ALS2CL: variants seen among roughly 807,000 people sequenced by gnomAD.
ALS2CL encodes the protein ALS2 C-terminal-like protein.
ALS2CL carries 112 observed loss-of-function variants against 127.9 expected under a neutral mutation model. The ratio of observed to expected loss-of-function variants is 0.88; its 90% CI spans 0.75 to 1.02. ALS2CL has a LOEUF of 1.02. ALS2CL is among the 50% of genes least tolerant of loss of function. The probability of loss-of-function intolerance (pLI) is 0.00; values close to 1 mark genes in which losing one functional copy is unlikely to be tolerated. For synonymous variants in ALS2CL, 519 were observed against 527.6 expected, an observed-to-expected ratio of 0.98 and a Z score of 0.22; for missense variants, 1,174 against 1,236.7, an observed-to-expected ratio of 0.95 and a Z score of 0.76.
Position 46,681,978 on chromosome 3 carries a change from C to T in ALS2CL, c.1175+51G>A. On this transcript the variant is annotated intron_variant, in intron 11 of 25. Transcript: ENST00000318962. The surrounding 1 kb of genome is among the most constrained non-coding windows in gnomAD (Gnocchi z 4.9). ...TGGTGACCACAGCAGGGGAGGAAAG[C>T]ACCCTTCAGCCCACTGCACGCCTCC... The T allele has an allele frequency of 1.9e-6, 3 of 1,594,196 alleles. No individual in the cohort carries two copies. Among genetic ancestry groups the T allele is most frequent in the Non-Finnish European group, 2.6e-6 (3 of 1,166,298 alleles).
In ALS2CL at chr3:46,671,516, A is replaced by T. The variant is rs1430696619; in HGVS notation, c.2753T>A (p.Leu918Gln). 32 of 1,613,958 alleles carry T rather than the reference A, an allele frequency of 2.0e-5. No individual in the cohort carries two copies. The highest frequency in any genetic ancestry group is 2.6e-5 in the Non-Finnish European group (31 of 1,179,954). ...CAGGGCTGTGAGCAGGAAGTCATAC[A>T]GGCCTCCTGTGTGGTTGGGGTCCAT... is the stretch of plus-strand genomic sequence containing the variant. ...DMMDPNHTGGLYDFLLTALES... is the reference protein window; with the variant it reads ...DMMDPNHTGGQYDFLLTALES... Residue 918 changes from leucine to glutamine, a missense_variant, in exon 25 of 26, where the codon CTG (leucine) becomes CAG (glutamine). Transcript: ENST00000318962.
In ALS2CL at chr3:46,678,284, G is replaced by A. The variant is rs761035063; in HGVS notation, c.1732C>T (p.Pro578Ser). 1.9e-6 allele frequency: 3 copies of A among 1,604,814 alleles called. No homozygotes were observed. The highest frequency in any genetic ancestry group is 1.3e-5 in the African/African-American group (1 of 74,928). Reference sequence around the variant, plus strand: ...CTCTTGCAGGTACTGCTCGGGTCTGGTGGGAGGGCAGCCGTGTCCAGCACA... The same window carrying A: ...CTCTTGCAGGTACTGCTCGGGTCTGATGGGAGGGCAGCCGTGTCCAGCACA... Reference protein sequence around the residue: ...QGVLDTAALPPDPSSTCKRQL... With the variant: ...QGVLDTAALPSDPSSTCKRQL... The change falls in exon 16 of 26, where the codon CCA becomes TCA. Residue 578 changes from proline (P) to serine (S), a missense_variant. Pro to Ser is a moderately conservative substitution (Grantham distance 74). Transcript: ENST00000318962.
chr3:46,676,848 C>A lies in ALS2CL; in HGVS notation c.1931+1G>T, dbSNP rs768951014. 1.9e-6 allele frequency: 3 copies of A among 1,611,478 alleles called. No homozygotes were observed. The highest frequency in any genetic ancestry group is 2.2e-5 in the East Asian group (1 of 44,726). On this transcript the variant is annotated splice_donor_variant, in intron 17 of 25. Transcript: ENST00000318962. LOFTEE classifies it high-confidence loss of function. Reference sequence around the variant, plus strand: ...GTGCATGCTCACACAGCCGGCCTCACCTCTCGCAGGACAGGTAATCCTGAG... The same window carrying A: ...GTGCATGCTCACACAGCCGGCCTCAACTCTCGCAGGACAGGTAATCCTGAG...
In ALS2CL at chr3:46,688,135, G is replaced by C; in HGVS notation, c.265C>G (p.Leu89Val). The C allele has an allele frequency of 5.0e-6, 8 of 1,613,216 alleles. No homozygotes were observed. Among genetic ancestry groups the C allele is most frequent in the Non-Finnish European group, 6.8e-6 (8 of 1,180,006 alleles). The change falls in exon 3 of 26, where the codon CTG (leucine) becomes GTG (valine). Residue 89 changes from leucine to valine, a missense_variant. Transcript: ENST00000318962. ...DSTGLESLLL[L>V]RGADRVLQAH... is the part of the protein sequence containing the mutation. ...TGCAGTACACGGTCAGCACCTCGCAGCAGCAGCAGGGACTCCAGACCGGTG... is the reference window on the plus strand; with the variant it reads ...TGCAGTACACGGTCAGCACCTCGCACCAGCAGCAGGGACTCCAGACCGGTG...
intron 15 of ALS2CL, among the ~76,000 whole-genome samples, chr3:46,678,682 G>A (rs1699073924): frequency 6.6e-6 from 1 of 152,230 alleles, no homozygotes; most frequent in East Asian, 1.9e-4. Flanking sequence ...CACCACTGAG[G>A]GGCTGGGGTG....
At chr3:46,676,613 C>T (rs970966972) in intron 18 of ALS2CL, 29 bp downstream of exon 18, 3 of 1,608,084 alleles carry the variant, frequency 1.9e-6, no homozygotes, top group Admixed American at 3.4e-5. Flanking sequence ...ACAATGTCAC[C>T]CCCTTGGCCA....
chr3:46,684,589 G>C (rs184153441), intron 7 of ALS2CL, among the ~76,000 whole-genome samples: 25 of 152,350 alleles, frequency 1.6e-4, no homozygotes, highest in African/African-American at 5.5e-4. Context: ...GGCCCAGTCA[G>C]GCCAATCACT....
chr3:46,672,375 C>T (rs3935248), intron 22 of ALS2CL, among the ~76,000 whole-genome samples, 174 bp from the exon 23 acceptor site: 32,433 of 152,142 alleles, frequency 0.21, 3,618 homozygotes, highest in Middle Eastern at 0.32. Flanking sequence ...CACTGTGGGC[C>T]TCAGTTTGTG....
intron 21 of ALS2CL, among the ~76,000 whole-genome samples, chr3:46,673,703 C>T (rs1698590256): frequency 6.6e-6 from 1 of 152,172 alleles, no homozygotes; most frequent in African/African-American, 2.4e-5. Context: ...GGATGCAGCC[C>T]TCATGCAGCA....
Position 46,671,056 on chromosome 3 carries a change from G to GT in ALS2CL, c.2789dup (p.Tyr930Ter). Residue 930 changes from tyrosine to a stop codon, truncating the protein, a stop_gained and frameshift_variant, in exon 26 of 26, where the codon TAC (tyrosine) becomes TAAC (stop). Transcript: ENST00000318962. LOFTEE classifies it high-confidence loss of function. Reference sequence around the variant, plus strand: ...TCATGTCTTCTTTCTGGATGTGCTCGTAACAGGACTGGAGGGAGAGAGGCA... The same window carrying GT: ...TCATGTCTTCTTTCTGGATGTGCTCGTTAACAGGACTGGAGGGAGAGAGGCA... ...DFLLTALESC[Y>*]EHIQKEDMRL... The GT allele has an allele frequency of 1.2e-6, 2 of 1,614,098 alleles. No individual in the cohort carries two copies. The highest frequency in any genetic ancestry group is 1.7e-6 in the Non-Finnish European group (2 of 1,179,960).
chr3:46,672,087 G>A lies in ALS2CL; in HGVS notation c.2534+53C>T, dbSNP rs1337747283. 3.1e-6 allele frequency: 5 copies of A among 1,613,966 alleles called. No individual in the cohort carries two copies. In the African/African-American group the frequency reaches 4.0e-5, roughly 13 times the overall value. ...AGGCCCTTGGTTCAGTCCCAACCAG[G>A]AGCACCCCACACTCTGCCTCCGGAC... is the stretch of plus-strand genomic sequence containing the variant. On this transcript the variant is annotated intron_variant, in intron 23 of 25. Transcript: ENST00000318962.
At chr3:46,675,982 G>T in intron 19 of ALS2CL, 1 of 1,423,624 alleles carries the variant, frequency 7.0e-7, no homozygotes, top group Non-Finnish European at 9.1e-7. Flanking sequence ...TCAGCCTACA[G>T]TGGGGTGAGA....
chr3:46,683,080 G>A (rs376610797), intron 10 of ALS2CL, 50 bp downstream of exon 10: 6 of 1,489,080 alleles, frequency 4.0e-6, no homozygotes, highest in Middle Eastern at 2.4e-4. Context: ...TCTCTGCCCC[G>A]CAGACCCCCA....
chr3:46,693,026 G>A (rs567023352), intron 1 of ALS2CL, among the ~76,000 whole-genome samples: 3 of 152,164 alleles, frequency 2.0e-5, no homozygotes, highest in East Asian at 1.9e-4. Context: ...GTGGGGGAGA[G>A]TAGAGACACG....
chr3:46,682,170 G>T, intron 10 of ALS2CL, 76 bp from the exon 11 acceptor site: 1 of 1,500,326 alleles, frequency 6.7e-7, no homozygotes, highest in Non-Finnish European at 9.2e-7. Flanking sequence ...TTTCTCAGAC[G>T]CCCTCCCTTC....
chr3:46,680,339 A>C, intron 14 of ALS2CL, 91 bp downstream of exon 14: 1 of 1,355,942 alleles, frequency 7.4e-7, no homozygotes, highest in Non-Finnish European at 1.0e-6. Context: ...CCCCTTTCCC[A>C]TCCCTCCCTG....
At chr3:46,678,937 G>A (rs921886966) in intron 15 of ALS2CL, among the ~76,000 whole-genome samples, 2 of 152,218 alleles carry the variant, frequency 1.3e-5, no homozygotes, top group Non-Finnish European at 2.9e-5. Flanking sequence ...GGTGGAGGGC[G>A]TGTATTCTGA....
At chr3:46,680,252 C>A in intron 14 of ALS2CL, 178 bp downstream of exon 14, 1 of 630,088 alleles carries the variant, frequency 1.6e-6, no homozygotes, top group Non-Finnish European at 2.7e-6. Context: ...CAGGGATTGG[C>A]CAGGGCCAGG....
rs1256283684 is a variant in ALS2CL, at chr3:46,686,030, A to G, written c.666+278T>C. Among the ~76,000 whole-genome samples, 1 of 152,164 alleles carries G rather than the reference A, an allele frequency of 6.6e-6. No homozygotes were observed. The highest frequency in any genetic ancestry group is 2.4e-5 in the African/African-American group (1 of 41,438). On this transcript the variant is annotated intron_variant, in intron 6 of 25. Coordinates refer to ENST00000318962, the MANE Select transcript of ALS2CL (RefSeq NM_147129.5). This position sits in a 1 kb window ranked among gnomAD's most constrained non-coding sequence, Gnocchi z 4.3. ...GCAGTCCATGCCATGGTGGGCAGTG[A>G]CGCAAGGGTGTGATCGGTGATATCC...
Sources: allele counts gnomAD v4.1 joint callset (sites outside exome capture counted in the v4.1 genomes callset), GRCh38; gene constraint gnomAD v4.1.1; non-coding constraint Gnocchi (gnomAD v3.1); transcripts MANE v1.5; gene names NCBI Gene and HGNC (gene_info 2026-07-23, HGNC 2026-07-21).